Variants in LARGE1 observed in about 807,000 individuals in gnomAD.
LARGE1 encodes xylosyl- and glucuronyltransferase LARGE1.
Under a neutral mutation model 87.6 loss-of-function variants are expected in LARGE1, and 43 were observed. The ratio of observed to expected loss-of-function variants is 0.49; its 90% CI spans 0.38 to 0.63. The LOEUF is 0.63. Ranked by LOEUF, LARGE1 falls within the 30% of genes least tolerant of loss-of-function variation. The pLI is 0.00. For synonymous variants in LARGE1, 434 were observed against 394.6 expected (o/e 1.10, Z -1.18); for missense variants, 802 against 1,000.2 (o/e 0.80, Z 2.67).
chr22:33,447,439 G>A (rs2067728449), intron 6 of LARGE1, among the ~76,000 whole-genome samples: 1 of 152,000 alleles, frequency 6.6e-6, no homozygotes, highest in Admixed American at 6.5e-5. Flanking sequence ...CAGGAGCCGG[G>A]AGGTGAGAGT....
At chr22:33,461,481 G>A (rs1206372020) in intron 6 of LARGE1, among the ~76,000 whole-genome samples, 2 of 151,932 alleles carry the variant, frequency 1.3e-5, no homozygotes, top group Admixed American at 1.3e-4. Context: ...TGGACACAGG[G>A]CAGGGAACAT....
chr22:33,720,009 T>C (rs980276933), intron 2 of LARGE1, among the ~76,000 whole-genome samples: 3 of 152,180 alleles, frequency 2.0e-5, no homozygotes, highest in African/African-American at 4.8e-5. Context: ...AGACCATTTC[T>C]CCGCAGACAA....
intron 2 of LARGE1, among the ~76,000 whole-genome samples, chr22:33,717,036 C>T (rs2082932305): frequency 6.6e-6 from 1 of 152,088 alleles, no homozygotes; most frequent in South Asian, 2.1e-4. Context: ...CAAATGATTC[C>T]CAACTGATAC....
intron 1 of LARGE1, among the ~76,000 whole-genome samples, chr22:33,884,605 A>ACCATC (rs1294446155): frequency 6.6e-6 from 1 of 152,224 alleles, no homozygotes; most frequent in Non-Finnish European, 1.5e-5. Context: ...GCCAGATGCC[A>ACCATC]CCATCCCGCG....
At chr22:33,413,467 T>A (rs2066382336) in intron 7 of LARGE1, among the ~76,000 whole-genome samples, 2 of 151,496 alleles carry the variant, frequency 1.3e-5, no homozygotes, top group South Asian at 2.1e-4. Flanking sequence ...TTTTATTTTA[T>A]TATTATTATT....
chr22:33,764,973 T>C (rs970833038), intron 1 of LARGE1, among the ~76,000 whole-genome samples: 3 of 152,226 alleles, frequency 2.0e-5, no homozygotes, highest in Admixed American at 1.3e-4. Flanking sequence ...GGGCTGACTG[T>C]ATCACAACAT....
intron 7 of LARGE1, among the ~76,000 whole-genome samples, chr22:33,387,526 G>T (rs1389336822): frequency 6.5e-5 from 5 of 76,870 alleles, no homozygotes; most frequent in Non-Finnish European, 1.1e-4. Flanking sequence ...ATTAAAAAAT[G>T]GGGGGGGGGA....
chr22:33,177,594 A>G (rs1399541690), intron 11 of LARGE1, among the ~76,000 whole-genome samples: 1 of 152,168 alleles, frequency 6.6e-6, no homozygotes, highest in African/African-American at 2.4e-5. Context: ...TGTGATTCCC[A>G]TATCTTAGAG....
chr22:33,787,751 G>T (rs2085695953), intron 1 of LARGE1, among the ~76,000 whole-genome samples: 1 of 152,184 alleles, frequency 6.6e-6, no homozygotes, highest in African/African-American at 2.4e-5. Context: ...TCAATACACT[G>T]TTAGTGTGTC....
chr22:33,513,276 T>A (rs575455904), intron 6 of LARGE1, among the ~76,000 whole-genome samples: 1 of 152,192 alleles, frequency 6.6e-6, no homozygotes, highest in Non-Finnish European at 1.5e-5. Context: ...CCACTTTGCA[T>A]GGTGGTCAAT....
rs566181093 is a variant in LARGE1 at position 33,719,084 on chromosome 22, C to T, written c.106+42287G>A. Among the ~76,000 whole-genome samples, 28 of 152,134 alleles carry T rather than the reference C, an allele frequency of 1.8e-4. No homozygotes were observed. In the East Asian group the frequency reaches 4.5e-3, roughly 24 times the overall value. ...GATTACAGCCATGAGCCACCACACC[C>T]GGCTGTATCTTTGTTTTCAACAAAA... On this transcript the variant is annotated intron_variant, in intron 2 of 14. Coordinates refer to ENST00000397394, the MANE Select transcript of LARGE1 (RefSeq NM_133642.5).
In LARGE1 at chr22:33,310,716, T is replaced by G. The variant is rs546007072; in HGVS notation, c.1451+5369A>C. 4.6e-5 allele frequency among the ~76,000 whole-genome samples: 7 copies of G among 152,344 alleles called. No individual in the cohort carries two copies. The South Asian group carries it at 1.4e-3, about 32-fold the overall frequency. On this transcript the variant is annotated intron_variant, in intron 11 of 14. Coordinates refer to ENST00000397394, the MANE Select transcript of LARGE1 (RefSeq NM_133642.5). ...ATCGGATGTGTTGACAGAGTGGAAG[T>G]GGCTGCAGGAATTTCTACCATTCTT...
At chr22:33,384,134 T>G in intron 8 of LARGE1, 58 bp downstream of exon 8, 3 of 1,206,844 alleles carry the variant, frequency 2.5e-6, no homozygotes, top group Non-Finnish European at 2.5e-6. Flanking sequence ...TAAGTTTCTT[T>G]GAGAAACAGC....
chr22:33,210,906 C>A (rs1279387884), intron 11 of LARGE1, among the ~76,000 whole-genome samples: 2 of 152,272 alleles, frequency 1.3e-5, no homozygotes, highest in African/African-American at 2.4e-5. Flanking sequence ...GCTGCCGTAA[C>A]AAGGTACAGG....
At chr22:33,162,923 T>G (rs1427634693) in exon 12 of LARGE1, 2 of 152,184 alleles carry the variant, frequency 1.3e-5, no homozygotes, top group Admixed American at 6.5e-5. Flanking sequence ...GTGTTGGAGG[T>G]GGATTACAGT....
downstream of LARGE1, among the ~76,000 whole-genome samples, chr22:33,159,358 C>T (rs62232856): frequency 1.6e-3 from 239 of 152,284 alleles, 1 homozygote; most frequent in Middle Eastern, 6.8e-3. Context: ...ACTTTTCATT[C>T]ACATATATAT....
At chr22:33,714,854 T>C (rs2082863910) in intron 2 of LARGE1, among the ~76,000 whole-genome samples, 1 of 152,224 alleles carries the variant, frequency 6.6e-6, no homozygotes, top group Admixed American at 6.5e-5. Context: ...GATTACCTCG[T>C]GTGTAATGAA....
chr22:33,789,880 A>T (rs2085767986), intron 1 of LARGE1, among the ~76,000 whole-genome samples: 2 of 152,194 alleles, frequency 1.3e-5, no homozygotes, highest in South Asian at 4.1e-4. Flanking sequence ...GGTGGAAGAG[A>T]CTAGCCTTGT....
chr22:33,188,544 C>A (rs1923609424), intron 11 of LARGE1, among the ~76,000 whole-genome samples: 1 of 152,174 alleles, frequency 6.6e-6, no homozygotes, highest in Non-Finnish European at 1.5e-5. Flanking sequence ...GAGAACATTA[C>A]AAAGAGTAGC....
Sources: gnomAD v4.1 joint callset for allele counts (sites outside exome capture counted in the v4.1 genomes callset) on GRCh38, gnomAD v4.1.1 for gene constraint, MANE v1.5 for transcripts, NCBI Gene and HGNC (gene_info 2026-07-23, HGNC 2026-07-21) for gene names.